Variants in KDM5B observed in about 807,000 individuals in gnomAD.
The protein encoded by KDM5B is lysine-specific demethylase 5B.
KDM5B carries 144 observed loss-of-function variants against 193.4 expected under a neutral mutation model. The observed-to-expected ratio is 0.74, with a 90% CI of 0.65 to 0.86. The LOEUF (loss-of-function observed/expected upper bound fraction) is 0.86, where lower values mean the gene tolerates loss of function less well. Ranked by LOEUF, KDM5B falls within the 40% of genes least tolerant of loss-of-function variation. KDM5B has a pLI of 0.00. For missense variants in KDM5B, 1,833 were observed against 1,886.9 expected, an observed-to-expected ratio of 0.97 and a Z score of 0.53; for synonymous variants, 668 against 682.6, an observed-to-expected ratio of 0.98 and a Z score of 0.33.
At chr1:202,752,332 A>G (rs112506203) in intron 12 of KDM5B, among the ~76,000 whole-genome samples, 110 of 152,310 alleles carry the variant, frequency 7.2e-4, no homozygotes, top group African/African-American at 2.6e-3. Context: ...ATTGTGTTAC[A>G]GCTATCTAAG....
chr1:202,781,377 C>T (rs1657192485), intron 1 of KDM5B, among the ~76,000 whole-genome samples: 1 of 152,144 alleles, frequency 6.6e-6, no homozygotes, highest in South Asian at 2.1e-4. Flanking sequence ...GCCGGTGATG[C>T]ATGATAAAAT....
rs879211348 is a variant in KDM5B at position 202,767,277 on chromosome 1, C to T, written c.577-217G>A. The stretch of plus-strand genomic sequence containing the variant: ...TTACTACAAGGAAGGGTATAGCAAA[C>T]GCAGATCCAAAGTACAAACACATCT... On this transcript the variant is annotated intron_variant, in intron 4 of 26. Transcript: ENST00000367265. The T allele has an allele frequency of 8.8e-5, 142 of 1,608,436 alleles. 2 individuals are homozygous for T. Among genetic ancestry groups the T allele is most frequent in the Middle Eastern group, 8.2e-4 (4 of 4,850 alleles).
rs753776740 is a variant in KDM5B, at chr1:202,746,205, A to C, written c.2135T>G (p.Leu712Arg). The change falls in exon 15 of 27, where the codon CTT (leucine) becomes CGT (arginine). Residue 712 changes from leucine to arginine, a missense_variant. Physicochemically the swap from Leu to Arg is moderately radical, Grantham distance 102. Around this residue, in one of 3 missense-constraint regions of KDM5B, gnomAD observed 1,379 missense variants for 1,349.6 expected, o/e 1.02. Coordinates refer to ENST00000367265, the MANE Select transcript of KDM5B (RefSeq NM_006618.5). ...TTTTACATGATGCAGGCAAACAAGAAGGCCAGGTTTACAAGAACAGGAGAT... is the reference window on the plus strand; with the variant it reads ...TTTTACATGATGCAGGCAAACAAGACGGCCAGGTTTACAAGAACAGGAGAT... ...SAISCSCKPG[L>R]LVCLHHVKEL... The C allele has an allele frequency of 6.2e-7, 1 of 1,613,786 alleles. No individual in the cohort carries two copies. The highest frequency in any genetic ancestry group is 8.5e-7 in the Non-Finnish European group (1 of 1,179,830).
In KDM5B at chr1:202,767,094, CT is replaced by C. The variant is rs373292954; in HGVS notation, c.577-35del. On this transcript the variant is annotated intron_variant, in intron 4 of 26. Coordinates refer to ENST00000367265, the MANE Select transcript of KDM5B (RefSeq NM_006618.5). ...AACAACTGTACTGATAAATTCCCTC[CT>C]TTTTTTTTTCACATCATAAGTTTAT... 3,474 of 1,369,940 alleles carry C rather than the reference CT, an allele frequency of 2.5e-3. 19 individuals are homozygous for C. Among genetic ancestry groups the C allele is most frequent in the African/African-American group, 0.023 (1,519 of 67,226 alleles). The allele number at this position is 1,369,940 out of a possible 1,614,324, so 84.9% of individuals were successfully genotyped here.
At chr1:202,766,873 A>G in intron 5 of KDM5B, 53 bp downstream of exon 5, 1 of 1,519,086 alleles carries the variant, frequency 6.6e-7, no homozygotes, top group Non-Finnish European at 8.8e-7. Context: ...CCAGACAGCC[A>G]TTGGTATTAG....
At position 202,808,364 on chromosome 1, in the gene KDM5B, C is replaced by G; in HGVS notation, c.-59G>C. On this transcript the variant is annotated 5_prime_UTR_variant, in exon 1 of 27. Transcript: ENST00000367265. ...GGCTCCGGGACCGAGGCTGCGAGCTCCGCTCGGTCCGAGACCCGTGCAGAC... is the reference window on the plus strand; with the variant it reads ...GGCTCCGGGACCGAGGCTGCGAGCTGCGCTCGGTCCGAGACCCGTGCAGAC... 2.1e-6 allele frequency: 3 copies of G among 1,454,302 alleles called. No individual in the cohort carries two copies. Among genetic ancestry groups the G allele is most frequent in the Non-Finnish European group, 2.7e-6 (3 of 1,095,632 alleles). The allele number at this position is 1,454,302 out of a possible 1,614,324, so 90.1% of individuals were successfully genotyped here.
intron 16 of KDM5B, 112 bp downstream of exon 16, chr1:202,745,746 T>C: frequency 8.1e-7 from 1 of 1,238,014 alleles, no homozygotes; most frequent in East Asian, 2.3e-5. Context: ...GTAGAGGGGC[T>C]AACCAAGGAT....
chr1:202,742,386 G>A lies in KDM5B; in HGVS notation c.2589+5C>T, dbSNP rs376814478. ...GTATTCTCCCACACATCCCTCTATG[G>A]TTACCTTTAGTAATGGTGTCTGACT... On this transcript the variant is annotated splice_donor_5th_base_variant and intron_variant, in intron 18 of 26. Coordinates refer to ENST00000367265, the MANE Select transcript of KDM5B (RefSeq NM_006618.5). 1.3e-6 allele frequency: 2 copies of A among 1,598,458 alleles called. No homozygotes were observed. The highest frequency in any genetic ancestry group is 1.3e-5 in the African/African-American group (1 of 74,586).
At chr1:202,805,892 G>T (rs12748722) in intron 1 of KDM5B, among the ~76,000 whole-genome samples, 2 of 152,140 alleles carry the variant, frequency 1.3e-5, no homozygotes, top group Non-Finnish European at 2.9e-5. Context: ...GTTAAACAAA[G>T]GAGGAAGCAA....
rs369685363 is a variant in KDM5B, at chr1:202,740,656, A to G, written c.3084+18T>C. Reference sequence around the variant, plus strand: ...ATGGATGCACTTACACATTCTGTATATACTTTTTAAAACCAACCTGCAGGC... The same window carrying G: ...ATGGATGCACTTACACATTCTGTATGTACTTTTTAAAACCAACCTGCAGGC... On this transcript the variant is annotated intron_variant, in intron 20 of 26. Coordinates refer to ENST00000367265, the MANE Select transcript of KDM5B (RefSeq NM_006618.5). 4.4e-6 allele frequency: 7 copies of G among 1,608,360 alleles called. No individual in the cohort carries two copies. In the African/African-American group the frequency reaches 5.4e-5, roughly 12 times the overall value.
intron 1 of KDM5B, among the ~76,000 whole-genome samples, chr1:202,795,301 A>G (rs1416488644): frequency 2.0e-5 from 3 of 152,060 alleles, no homozygotes; most frequent in Non-Finnish European, 4.4e-5. Flanking sequence ...GTCCTCACCT[A>G]TTTTTGGACA....
intron 6 of KDM5B, among the ~76,000 whole-genome samples, chr1:202,763,380 TAAAGTA>T (rs1188200480): frequency 6.6e-6 from 1 of 152,190 alleles, no homozygotes; most frequent in African/African-American, 2.4e-5. Flanking sequence ...AAACTGATGT[TAAAGTA>T]AATCAAGAAA....
chr1:202,779,239 G>A (rs757451778), intron 1 of KDM5B, among the ~76,000 whole-genome samples: 39 of 151,926 alleles, frequency 2.6e-4, no homozygotes, highest in African/African-American at 4.1e-4. Context: ...CAATTCAACC[G>A]GCCAGGCGCG....
intron 1 of KDM5B, among the ~76,000 whole-genome samples, chr1:202,790,881 T>TA (rs1172629996): frequency 2.0e-5 from 3 of 152,258 alleles, no homozygotes; most frequent in Admixed American, 2.0e-4. Flanking sequence ...GCCTTGATCT[T>TA]AGAGTTCCCA....
chr1:202,771,613 GCT>G (rs1340587785), intron 4 of KDM5B, among the ~76,000 whole-genome samples: 1 of 139,146 alleles, frequency 7.2e-6, no homozygotes, highest in African/African-American at 2.7e-5. Flanking sequence ...GAAGAGTCTT[GCT>G]CTGTCACCCA....
intron 8 of KDM5B, among the ~76,000 whole-genome samples, chr1:202,760,106 A>AGTTCGAGACCAGCCCTG (rs1435635994): frequency 6.6e-6 from 1 of 152,190 alleles, no homozygotes; most frequent in East Asian, 1.9e-4. Context: ...TGAGCTTAGG[A>AGTTCGAGACCAGCCCTG]GTTCGAGACC....
intron 6 of KDM5B, among the ~76,000 whole-genome samples, chr1:202,763,594 A>C (rs1313527799): frequency 6.6e-6 from 1 of 152,202 alleles, no homozygotes; most frequent in Non-Finnish European, 1.5e-5. Flanking sequence ...AAAGAATCTC[A>C]AATCCACCTC....
chr1:202,790,037 G>A (rs992224075), intron 1 of KDM5B, among the ~76,000 whole-genome samples: 3 of 150,400 alleles, frequency 2.0e-5, no homozygotes, highest in Admixed American at 6.6e-5. Flanking sequence ...AGCGAGGCGG[G>A]CGGATCACCT....
rs1018524959 is a variant in KDM5B at position 202,777,197 on chromosome 1, C to T, written c.205-103G>A. On this transcript the variant is annotated intron_variant, in intron 1 of 26. Transcript: ENST00000367265. ...CAGGTTAGGTAAATCTTATTCTAAC[C>T]AATCAAACAAAATAGAACACAGAGT... is the stretch of plus-strand genomic sequence containing the variant. 8.2e-6 allele frequency: 7 copies of T among 853,448 alleles called. No individual in the cohort carries two copies. In the African/African-American group the frequency reaches 1.2e-4, roughly 14 times the overall value. 52.9% of individuals were successfully genotyped at this position (853,448 alleles called of 1,614,324 possible). A position where few individuals can be genotyped will look rare whatever the true frequency, so the allele number is the denominator to read the frequency against.
Sources: allele counts gnomAD v4.1 joint callset (sites outside exome capture counted in the v4.1 genomes callset), GRCh38; gene constraint gnomAD v4.1.1; regional missense constraint gnomAD v4.1.1; transcripts MANE v1.5; gene names NCBI Gene and HGNC (gene_info 2026-07-23, HGNC 2026-07-21).